The following KMT2C variants were observed in gnomAD, a reference collection of about 807,000 sequenced individuals.
KMT2C encodes lysine methyltransferase 2C.
In KMT2C, 88 loss-of-function variants were observed where a neutral mutation model predicts 507.9. The observed-to-expected ratio is 0.17, with a 90% CI of 0.15 to 0.21. KMT2C has a LOEUF of 0.21. KMT2C is among the 10% of genes least tolerant of loss of function. The pLI is 1.00. For synonymous variants in KMT2C, 2,049 were observed against 2,080.8 expected (o/e 0.98, Z 0.42); for missense variants, 4,954 against 5,957.8 (o/e 0.83, Z 5.55).
intron 6 of KMT2C, among the ~76,000 whole-genome samples, chr7:152,288,206 CAA>C (rs762781021): frequency 3.5e-4 from 48 of 135,322 alleles, no homozygotes; most frequent in Non-Finnish European, 6.8e-4. Flanking sequence ...CCAACCTAAA[CAA>C]GAGAAGAAAA....
In KMT2C at chr7:152,176,109, C is replaced by A; in HGVS notation, c.9262+82G>T. On this transcript the variant is annotated intron_variant, in intron 38 of 58. Transcript: ENST00000262189. ...TCAGTGCTTTATTCCAACTGTAATTCTAATAATAAAATCTTATAAGCATAT... is the reference window on the plus strand; with the variant it reads ...TCAGTGCTTTATTCCAACTGTAATTATAATAATAAAATCTTATAAGCATAT... The A allele has an allele frequency of 3.9e-6, 5 of 1,296,474 alleles. No individual in the cohort carries two copies. The South Asian group carries it at 6.2e-5, about 16-fold the overall frequency. The allele number at this position is 1,296,474 out of a possible 1,614,324, so 80.3% of individuals were successfully genotyped here.
intron 1 of KMT2C, among the ~76,000 whole-genome samples, chr7:152,431,024 C>T (rs1422903794): frequency 6.6e-6 from 1 of 152,140 alleles, no homozygotes; most frequent in Non-Finnish European, 1.5e-5. Context: ...TGAGATGAAG[C>T]AGTGTGGCTT....
At chr7:152,214,132 G>C (rs964488763) in intron 23 of KMT2C, among the ~76,000 whole-genome samples, 2 of 151,424 alleles carry the variant, frequency 1.3e-5, no homozygotes, top group Non-Finnish European at 2.9e-5. Context: ...ATGTAAATTA[G>C]TATAGCCATT....
chr7:152,317,015 G>T (rs1442585750), intron 3 of KMT2C, among the ~76,000 whole-genome samples: 1 of 152,120 alleles, frequency 6.6e-6, no homozygotes, highest in Non-Finnish European at 1.5e-5. Context: ...CTACCCATGA[G>T]AAGCAACAAT....
chr7:152,213,816 C>T (rs1316241397), intron 23 of KMT2C, among the ~76,000 whole-genome samples: 15 of 149,298 alleles, frequency 1.0e-4, no homozygotes, highest in African/African-American at 3.7e-4. Context: ...ATTGGCAAAC[C>T]ACACATCTGA....
intron 6 of KMT2C, among the ~76,000 whole-genome samples, chr7:152,294,713 T>C (rs1247019723): frequency 1.3e-5 from 2 of 152,212 alleles, no homozygotes; most frequent in Non-Finnish European, 2.9e-5. Flanking sequence ...AACTTTTATT[T>C]AGAAAATCTT....
intron 2 of KMT2C, among the ~76,000 whole-genome samples, chr7:152,350,704 C>T (rs961480436): frequency 5.3e-5 from 8 of 152,328 alleles, no homozygotes; most frequent in Non-Finnish European, 1.0e-4. Flanking sequence ...AGGCCTCAAA[C>T]ATTACTATGC....
intron 14 of KMT2C, among the ~76,000 whole-genome samples, chr7:152,241,910 A>G (rs2095393892): frequency 6.6e-6 from 1 of 152,216 alleles, no homozygotes; most frequent in South Asian, 2.1e-4. Context: ...GTTAGCTTTG[A>G]TGCCAAAATT....
intron 8 of KMT2C, 46 bp from the exon 9 acceptor site, chr7:152,263,176 GT>G (rs1187330703): frequency 6.7e-7 from 1 of 1,497,298 alleles, no homozygotes; most frequent in African/African-American, 1.4e-5. Flanking sequence ...TTAAACTTAT[GT>G]TTTGTAACAT....
intron 1 of KMT2C, among the ~76,000 whole-genome samples, chr7:152,415,086 T>A (rs1254765991): frequency 6.6e-6 from 1 of 152,064 alleles, no homozygotes; most frequent in African/African-American, 2.4e-5. Flanking sequence ...GCTCAAGCTA[T>A]CAGCCTGCCT....
At position 152,151,045 on chromosome 7, in the gene KMT2C, G is replaced by A. The variant is rs533498374; in HGVS notation, c.12667-38C>T. The A allele has an allele frequency of 2.0e-5, 25 of 1,262,464 alleles. No homozygotes were observed. The East Asian group carries it at 5.4e-4, about 27-fold the overall frequency. The allele number at this position is 1,262,464 out of a possible 1,614,324, so 78.2% of individuals were successfully genotyped here. On this transcript the variant is annotated intron_variant, in intron 50 of 58. Transcript: ENST00000262189. Reference sequence around the variant, plus strand: ...GAGAAATGTGTGGGAATCTCAACAAGTCAAAATTTAATAAAAACAGGATCT... The same window carrying A: ...GAGAAATGTGTGGGAATCTCAACAAATCAAAATTTAATAAAAACAGGATCT...
intron 1 of KMT2C, among the ~76,000 whole-genome samples, chr7:152,420,520 A>G (rs1158996486): frequency 6.6e-6 from 1 of 152,172 alleles, no homozygotes; most frequent in Non-Finnish European, 1.5e-5. Context: ...AGAACGGGAG[A>G]AAATATCTGC....
At chr7:152,432,675 T>C (rs191385921) in intron 1 of KMT2C, among the ~76,000 whole-genome samples, 1 of 152,224 alleles carries the variant, frequency 6.6e-6, no homozygotes, top group East Asian at 1.9e-4. Flanking sequence ...AAGCAGTAAC[T>C]ATATAGCTAT....
At chr7:152,224,787 G>A (rs1310473500) in intron 18 of KMT2C, among the ~76,000 whole-genome samples, 171 bp from the exon 19 acceptor site, 2 of 152,046 alleles carry the variant, frequency 1.3e-5, no homozygotes, top group African/African-American at 4.8e-5. Flanking sequence ...GTTCATACAC[G>A]CTTTTAGAAG....
At chr7:152,337,310 T>G (rs144010775) in intron 2 of KMT2C, among the ~76,000 whole-genome samples, 2 of 152,292 alleles carry the variant, frequency 1.3e-5, no homozygotes, top group South Asian at 4.1e-4. Flanking sequence ...CACATGTAAG[T>G]AGATTCCTAA....
intron 18 of KMT2C, among the ~76,000 whole-genome samples, chr7:152,226,327 T>C (rs1588385080): frequency 6.9e-6 from 1 of 143,944 alleles, no homozygotes; most frequent in Non-Finnish European, 1.5e-5. Context: ...CCGCCTCCCA[T>C]GTTCAAATAA....
Position 152,176,174 on chromosome 7 carries a change from CT to C in KMT2C, c.9262+16del. The C allele has an allele frequency of 6.4e-7, 1 of 1,569,268 alleles. No homozygotes were observed. Among genetic ancestry groups the C allele is most frequent in the Non-Finnish European group, 8.6e-7 (1 of 1,158,912 alleles). ...ATACCCATAGTAATATACGTTGAGA[CT>C]CAAGAAAACTCCTACCAATATTAGG... is the stretch of plus-strand genomic sequence containing the variant. On this transcript the variant is annotated intron_variant, in intron 38 of 58. Coordinates refer to ENST00000262189, the MANE Select transcript of KMT2C (RefSeq NM_170606.3).
intron 1 of KMT2C, among the ~76,000 whole-genome samples, chr7:152,374,558 ACT>A (rs2097314283): frequency 6.6e-6 from 1 of 152,068 alleles, no homozygotes; most frequent in South Asian, 2.1e-4. Context: ...GTGATAACAC[ACT>A]CTGCTAGTCA....
At position 152,159,035 on chromosome 7, in the gene KMT2C, C is replaced by T. The variant is rs1281541949; in HGVS notation, c.11498G>A (p.Cys3833Tyr). The change falls in exon 44 of 59, where the codon TGT (cysteine) becomes TAT (tyrosine). Residue 3833 changes from cysteine to tyrosine, a missense_variant. Physicochemically the swap from Cys to Tyr is radical, Grantham distance 194 (BLOSUM62 -2). This residue lies in a region of KMT2C where 801 missense variants were observed against 751.2 expected (regional missense o/e 1.07). Transcript: ENST00000262189. ...ATCTGTTTTTGGCAACTGGTTGCCA[C>T]ATCCAAAACCACCTTGCATTTGAGC... ...LGAQMQGGFGCGNQLPKTDGG... is the reference protein window; with the variant it reads ...LGAQMQGGFGYGNQLPKTDGG... 1 of 1,614,104 alleles carries T rather than the reference C, an allele frequency of 6.2e-7. No individual in the cohort carries two copies. The highest frequency in any genetic ancestry group is 1.3e-5 in the African/African-American group (1 of 74,938).
Sources: gnomAD v4.1 joint callset for allele counts (sites outside exome capture counted in the v4.1 genomes callset) on GRCh38, gnomAD v4.1.1 for gene constraint, gnomAD v4.1.1 regional missense constraint, MANE v1.5 for transcripts, NCBI Gene and HGNC (gene_info 2026-07-23, HGNC 2026-07-21) for gene names.